Variants in LZTS1 observed in about 807,000 individuals in gnomAD.
LZTS1 encodes the protein leucine zipper tumor suppressor 1, also known as leucine zipper putative tumor suppressor 1.
A neutral mutation model predicts 45.8 loss-of-function variants in LZTS1; 31 were observed. The observed-to-expected ratio is 0.68, with a 90% confidence interval of 0.51 to 0.91. The LOEUF (loss-of-function observed/expected upper bound fraction) is 0.91. Ranked by LOEUF, LZTS1 falls within the 40% of genes least tolerant of loss-of-function variation. The probability of loss-of-function intolerance (pLI) is 0.00; values close to 1 mark genes in which losing one functional copy is unlikely to be tolerated. For missense variants in LZTS1, 821 were observed against 788.9 expected (o/e 1.04, Z -0.49); for synonymous variants, 359 against 357.3 (o/e 1.00, Z -0.05).
At position 20,303,787 on chromosome 8, in the gene LZTS1, T is replaced by C; in HGVS notation, c.-182A>G. ...ACTTGAGACTTTTTTTTTTTCCCAG[T>C]GTTTCCCGGTGTGTTCCCGTCTCTC... On this transcript the variant is annotated 5_prime_UTR_variant, in exon 1 of 4. Transcript: ENST00000381569. 1.0e-6 allele frequency: 1 copy of C among 984,106 alleles called. No homozygotes were observed. Among genetic ancestry groups the C allele is most frequent in the African/African-American group, 1.8e-5 (1 of 56,896 alleles). The allele number at this position is 984,106 out of a possible 1,614,324, so 61.0% of individuals were successfully genotyped here.
At chr8:20,268,716 A>C (rs1032449189) in intron 1 of LZTS1, among the ~76,000 whole-genome samples, 1 of 151,180 alleles carries the variant, frequency 6.6e-6, no homozygotes, top group African/African-American at 2.4e-5. Flanking sequence ...GGGGTGGGGG[A>C]ACGTGGGCAA....
At chr8:20,300,387 C>T (rs889531447) in intron 1 of LZTS1, among the ~76,000 whole-genome samples, 2 of 151,964 alleles carry the variant, frequency 1.3e-5, no homozygotes, top group South Asian at 2.1e-4. Context: ...GACTGGAGTG[C>T]AGTGATGTGA....
chr8:20,269,958 C>A (rs1800439535), intron 1 of LZTS1, among the ~76,000 whole-genome samples: 1 of 152,158 alleles, frequency 6.6e-6, no homozygotes. Flanking sequence ...CTAACGGGCA[C>A]CCTCAAGCAG....
rs769277911 is a variant in LZTS1 at position 20,252,877 on chromosome 8, G to C, written c.1054C>G (p.Leu352Val). 7 of 1,611,026 alleles carry C rather than the reference G, an allele frequency of 4.3e-6. No homozygotes were observed. The African/African-American group carries it at 5.3e-5, about 12-fold the overall frequency. Reference sequence around the variant, plus strand: ...TCCAGCAGGTCCTGCTCCTTCATGAGGCTCTCGAGCTCCTGCCGGAGCTGC... The same window carrying C: ...TCCAGCAGGTCCTGCTCCTTCATGACGCTCTCGAGCTCCTGCCGGAGCTGC... Reference protein sequence around the residue: ...KRQLRQELESLMKEQDLLETK... With the variant: ...KRQLRQELESVMKEQDLLETK... The change falls in exon 3 of 4, where the codon CTC becomes GTC. Residue 352 changes from leucine to valine, a missense_variant. Coordinates refer to ENST00000381569, the MANE Select transcript of LZTS1 (RefSeq NM_021020.5).
chr8:20,250,867 G>A (rs576217377), intron 3 of LZTS1, among the ~76,000 whole-genome samples: 5 of 152,012 alleles, frequency 3.3e-5, no homozygotes, highest in African/African-American at 7.2e-5. Flanking sequence ...CCAAAGTGCT[G>A]GGATTGCAGG....
In LZTS1 at chr8:20,247,142, G is replaced by A. The variant is rs115759348; in HGVS notation, c.*2580C>T. The A allele has an allele frequency of 6.5e-6, 1 of 152,738 alleles. No individual in the cohort carries two copies. The highest frequency in any genetic ancestry group is 2.4e-5 in the African/African-American group (1 of 41,586). The allele number at this position is 152,738 out of a possible 1,614,324, so 9.5% of individuals were successfully genotyped here. ...ATCTGCCACCTTGGACGTAGGACAA[G>A]GCCTGGGGGGGACACATCTGGGCCG... On this transcript the variant is annotated 3_prime_UTR_variant, in exon 4 of 4. Coordinates refer to ENST00000381569, the MANE Select transcript of LZTS1 (RefSeq NM_021020.5).
At chr8:20,278,471 G>T (rs966511236) in intron 1 of LZTS1, among the ~76,000 whole-genome samples, 2 of 152,182 alleles carry the variant, frequency 1.3e-5, no homozygotes, top group Non-Finnish European at 2.9e-5. Flanking sequence ...CCAGGTCAAA[G>T]GTCAAACCGT....
chr8:20,287,671 A>G (rs1800816215), intron 1 of LZTS1, among the ~76,000 whole-genome samples: 1 of 152,112 alleles, frequency 6.6e-6, no homozygotes, highest in African/African-American at 2.4e-5. Context: ...TCACGCCTAT[A>G]ATCCCAACAC....
chr8:20,249,744 TC>T lies in LZTS1; in HGVS notation c.1768del (p.Asp590ThrfsTer3). The T allele has an allele frequency of 3.7e-6, 6 of 1,608,582 alleles. No homozygotes were observed. The highest frequency in any genetic ancestry group is 5.1e-6 in the Non-Finnish European group (6 of 1,178,592). ...CCCTCAGATCTCAGTGGCTATGATG[TC>T]CTCGTAGGGGATGTCAGCCCCTTCC... ...DLEGADIPYE[D>X]IIATEI On this transcript the variant is annotated frameshift_variant, in exon 4 of 4. Transcript: ENST00000381569. LOFTEE classifies it high-confidence loss of function.
At chr8:20,302,332 T>TC (rs2128900477) in intron 1 of LZTS1, among the ~76,000 whole-genome samples, 1 of 152,296 alleles carries the variant, frequency 6.6e-6, no homozygotes, top group African/African-American at 2.4e-5. Context: ...CAGACTATGT[T>TC]CCACTCCACT....
intron 1 of LZTS1, among the ~76,000 whole-genome samples, chr8:20,302,465 A>G (rs1315138469): frequency 6.6e-6 from 1 of 152,146 alleles, no homozygotes; most frequent in African/African-American, 2.4e-5. Flanking sequence ...ACTTAGAGAA[A>G]GCTCAGGTTG....
rs762284938 is a variant in LZTS1, at chr8:20,249,598, C to G, written c.*124G>C. On this transcript the variant is annotated 3_prime_UTR_variant, in exon 4 of 4. Coordinates refer to ENST00000381569, the MANE Select transcript of LZTS1 (RefSeq NM_021020.5). ...GCCATCCTGCCCTCCCCTCGGGGGT[C>G]CTGGGTCTGTGTCCCAGGGAGTGGC... The G allele has an allele frequency of 7.2e-6, 9 of 1,251,210 alleles. No individual in the cohort carries two copies. Among genetic ancestry groups the G allele is most frequent in the Middle Eastern group, 2.7e-4 (1 of 3,758 alleles). 77.5% of individuals were successfully genotyped at this position (1,251,210 alleles called of 1,614,324 possible).
At chr8:20,258,967 T>A (rs954456454) in intron 1 of LZTS1, among the ~76,000 whole-genome samples, 1 of 152,170 alleles carries the variant, frequency 6.6e-6, no homozygotes, top group Non-Finnish European at 1.5e-5. Context: ...TTCATCCCCC[T>A]AGGTCATCCA....
Position 20,253,408 on chromosome 8 carries a change from C to G in LZTS1, c.523G>C (p.Gly175Arg), listed in dbSNP as rs769191491. Residue 175 changes from glycine to arginine, a missense_variant, in exon 3 of 4, where the codon GGC becomes CGC. Transcript: ENST00000381569. ...GLCSGALSDS[G>R]RNSMSSLPTH... ...GGCAGGCTGGACATGGAGTTCCGGC[C>G]GGAGTCTGACAGCGCCCCAGAGCAC... is the stretch of plus-strand genomic sequence containing the variant. 6.2e-7 allele frequency: 1 copy of G among 1,611,740 alleles called. No individual in the cohort carries two copies. Among genetic ancestry groups the G allele is most frequent in the Admixed American group, 1.7e-5 (1 of 59,918 alleles).
At chr8:20,284,892 G>C (rs539525938) in intron 1 of LZTS1, among the ~76,000 whole-genome samples, 18 of 152,248 alleles carry the variant, frequency 1.2e-4, no homozygotes, top group South Asian at 4.2e-4. Context: ...GCTCCCATCC[G>C]ATAGTCTTAG....
chr8:20,280,712 A>C (rs978447748), intron 1 of LZTS1, among the ~76,000 whole-genome samples: 1 of 152,200 alleles, frequency 6.6e-6, no homozygotes, highest in African/African-American at 2.4e-5. Context: ...TGGTCCTGAC[A>C]GTTCCCTTCC....
chr8:20,285,280 G>A (rs989115657), intron 1 of LZTS1, among the ~76,000 whole-genome samples: 2 of 152,068 alleles, frequency 1.3e-5, no homozygotes, highest in Non-Finnish European at 2.9e-5. Context: ...TCCTTCACTG[G>A]CCATATCCTT....
chr8:20,246,833 G>C lies in LZTS1; in HGVS notation c.*2889C>G, dbSNP rs536632548. On this transcript the variant is annotated 3_prime_UTR_variant, in exon 4 of 4. Coordinates refer to ENST00000381569, the MANE Select transcript of LZTS1 (RefSeq NM_021020.5). ...GGGGACAGAGCAGGTTGGTCCATCC[G>C]AGTGGGTCAGTGGGTCGGCCAGCAG... 1.3e-5 allele frequency: 2 copies of C among 152,326 alleles called. No homozygotes were observed. Among genetic ancestry groups the C allele is most frequent in the African/African-American group, 4.8e-5 (2 of 41,424 alleles). The allele number at this position is 152,326 out of a possible 1,614,324, so 9.4% of individuals were successfully genotyped here.
chr8:20,272,583 T>C (rs1230409843), intron 1 of LZTS1, among the ~76,000 whole-genome samples: 2 of 152,174 alleles, frequency 1.3e-5, no homozygotes, highest in African/African-American at 4.8e-5. Flanking sequence ...ATTTCTCAAA[T>C]CTTATCAGTC....
Sources: gnomAD v4.1 joint callset for allele counts (sites outside exome capture counted in the v4.1 genomes callset) on GRCh38, gnomAD v4.1.1 for gene constraint, MANE v1.5 for transcripts, NCBI Gene and HGNC (gene_info 2026-07-23, HGNC 2026-07-21) for gene names.